DYNC2H1: variants seen among roughly 807,000 people sequenced by gnomAD.
The protein encoded by DYNC2H1 is dynein cytoplasmic 2 heavy chain 1.
A neutral mutation model predicts 570.0 loss-of-function variants in DYNC2H1; 410 were observed. That is an observed-to-expected ratio of 0.72 (90% CI 0.66 to 0.78). DYNC2H1 has a LOEUF of 0.78. DYNC2H1 is among the 30% of genes least tolerant of loss of function. The pLI is 0.00. For missense variants in DYNC2H1, 4,865 were observed against 5,046.4 expected (o/e 0.96, Z 1.09); for synonymous variants, 1,688 against 1,677.6 (o/e 1.01, Z -0.15).
At chr11:103,359,706 C>T (rs1366213389) in intron 83 of DYNC2H1, among the ~76,000 whole-genome samples, 2 of 146,530 alleles carry the variant, frequency 1.4e-5, no homozygotes, top group African/African-American at 5.0e-5. Flanking sequence ...ACTCTGTCAC[C>T]AAGGTTGGAA....
chr11:103,120,071 T>C (rs1033330334), intron 6 of DYNC2H1, among the ~76,000 whole-genome samples: 3 of 152,204 alleles, frequency 2.0e-5, no homozygotes, highest in African/African-American at 7.2e-5. Context: ...TAATGCAGAA[T>C]AATGAAAATC....
chr11:103,113,228 C>G (rs1565307712), intron 1 of DYNC2H1, among the ~76,000 whole-genome samples: 3 of 152,036 alleles, frequency 2.0e-5, no homozygotes, highest in East Asian at 1.9e-4. Context: ...AGAATGGACT[C>G]TGGCTGGAAT....
Position 103,369,764 on chromosome 11 carries a change from C to T in DYNC2H1, c.12156+11405C>T, listed in dbSNP as rs1484196449. ...GGAAGTACCCAATCCTGGCAAGATTCATCACCTGCTAACTGAAGATCCCTT... is the reference window on the plus strand; with the variant it reads ...GGAAGTACCCAATCCTGGCAAGATTTATCACCTGCTAACTGAAGATCCCTT... On this transcript the variant is annotated intron_variant, in intron 83 of 88. Transcript: ENST00000375735. This position sits in a 1 kb window ranked among gnomAD's most constrained non-coding sequence, Gnocchi z 4.0. 6.6e-6 allele frequency among the ~76,000 whole-genome samples: 1 copy of T among 152,152 alleles called. No individual in the cohort carries two copies. Among genetic ancestry groups the T allele is most frequent in the East Asian group, 1.9e-4 (1 of 5,192 alleles).
At chr11:103,253,833 C>T (rs1864935201) in intron 66 of DYNC2H1, among the ~76,000 whole-genome samples, 1 of 152,042 alleles carries the variant, frequency 6.6e-6, no homozygotes, top group Non-Finnish European at 1.5e-5. Flanking sequence ...GTCTTTGATT[C>T]CTGAGCCAGC....
intron 47 of DYNC2H1, among the ~76,000 whole-genome samples, chr11:103,194,955 T>C (rs959095196): frequency 6.6e-6 from 1 of 152,150 alleles, no homozygotes; most frequent in African/African-American, 2.4e-5. Context: ...TGACCTGAAA[T>C]GATCCACCTG....
chr11:103,256,175 G>A lies in DYNC2H1; in HGVS notation c.10396G>A (p.Ala3466Thr). Residue 3466 changes from alanine (A) to threonine (T), a missense_variant, in exon 68 of 89, where the codon GCA becomes ACA. Transcript: ENST00000375735. This position sits in a 1 kb window ranked among gnomAD's most constrained non-coding sequence, Gnocchi z 4.0. ...GATTGAGTCTTTGAATCAGACAAAA[G>A]CAAGCAGTGCACTTATTCAAGAGTC... is the stretch of plus-strand genomic sequence containing the variant. ...DLIESLNQTK[A>T]SSALIQESLK... is the part of the protein sequence containing the mutation. 1.2e-6 allele frequency: 2 copies of A among 1,608,924 alleles called. No homozygotes were observed. Among genetic ancestry groups the A allele is most frequent in the Non-Finnish European group, 1.7e-6 (2 of 1,177,246 alleles).
chr11:103,394,381 G>T (rs114573300), intron 83 of DYNC2H1, among the ~76,000 whole-genome samples: 1 of 151,994 alleles, frequency 6.6e-6, no homozygotes, highest in African/African-American at 2.4e-5. Context: ...AACTACTTAC[G>T]TAATGCTTAC....
At chr11:103,285,967 C>T (rs1203725128) in intron 73 of DYNC2H1, among the ~76,000 whole-genome samples, 1 of 152,124 alleles carries the variant, frequency 6.6e-6, no homozygotes, top group Non-Finnish European at 1.5e-5. Flanking sequence ...CACTTGTTTC[C>T]TTCACAAGGT....
intron 87 of DYNC2H1, among the ~76,000 whole-genome samples, chr11:103,462,906 G>A (rs1945067671): frequency 6.6e-6 from 1 of 152,066 alleles, no homozygotes; most frequent in South Asian, 2.1e-4. Flanking sequence ...GTGAAGTGTA[G>A]CGTCATACAC....
intron 83 of DYNC2H1, among the ~76,000 whole-genome samples, chr11:103,372,005 A>T (rs2135556565): frequency 8.8e-6 from 1 of 114,140 alleles, no homozygotes; most frequent in South Asian, 3.3e-4. Flanking sequence ...GAATAAAAGT[A>T]GTGAAAGTGG....
chr11:103,311,237 GT>G (rs1867574549), intron 78 of DYNC2H1, among the ~76,000 whole-genome samples: 1 of 152,052 alleles, frequency 6.6e-6, no homozygotes, highest in Non-Finnish European at 1.5e-5. Context: ...CGAGGGGGTT[GT>G]TTTGCTATTT....
Position 103,275,703 on chromosome 11 carries a change from C to T in DYNC2H1, c.10696-4645C>T, listed in dbSNP as rs544032252. ...TTTTTCATGGTGTAATATCTCATTT[C>T]TTTTTAATGTTGATTAAAATTCCTT... On this transcript the variant is annotated intron_variant, in intron 70 of 88. Transcript: ENST00000375735. This position sits in a 1 kb window ranked among gnomAD's most constrained non-coding sequence, Gnocchi z 4.8. Among the ~76,000 whole-genome samples the T allele has an allele frequency of 6.6e-6, 1 of 151,980 alleles. No individual in the cohort carries two copies. Among genetic ancestry groups the T allele is most frequent in the East Asian group, 1.9e-4 (1 of 5,166 alleles).
chr11:103,187,197 C>T (rs1862105091), intron 42 of DYNC2H1, 143 bp from the exon 43 acceptor site: 2 of 1,143,772 alleles, frequency 1.7e-6, no homozygotes, highest in Non-Finnish European at 2.4e-6. Context: ...TTATGGAAGC[C>T]ATATCTGTAT....
intron 85 of DYNC2H1, among the ~76,000 whole-genome samples, chr11:103,440,856 G>A (rs1591760859): frequency 6.6e-6 from 1 of 152,006 alleles, no homozygotes; most frequent in Non-Finnish European, 1.5e-5. Context: ...ATACATTGAG[G>A]TACCTTTTAC....
At chr11:103,471,273 T>C (rs1051341576) in intron 88 of DYNC2H1, among the ~76,000 whole-genome samples, 1 of 152,190 alleles carries the variant, frequency 6.6e-6, no homozygotes, top group African/African-American at 2.4e-5. Context: ...CCCTTCTTTC[T>C]TTACAGTGAG....
chr11:103,312,089 A>G, intron 79 of DYNC2H1, 56 bp downstream of exon 79: 2 of 1,550,958 alleles, frequency 1.3e-6, no homozygotes, highest in South Asian at 1.2e-5. Flanking sequence ...GTATGTTAAA[A>G]TATTTTTGTG....
chr11:103,390,383 A>G lies in DYNC2H1; in HGVS notation c.12157-9280A>G, dbSNP rs538231215. Reference sequence around the variant, plus strand: ...TCCTCCATCCCTTTATTTTGAGTCTATATGTGTCTCTGCACATGAGATGGG... The same window carrying G: ...TCCTCCATCCCTTTATTTTGAGTCTGTATGTGTCTCTGCACATGAGATGGG... On this transcript the variant is annotated intron_variant, in intron 83 of 88. Coordinates refer to ENST00000375735, the MANE Select transcript of DYNC2H1 (RefSeq NM_001377.3). Among the ~76,000 whole-genome samples the G allele has an allele frequency of 3.4e-4, 51 of 150,494 alleles. No homozygotes were observed. The East Asian group carries it at 6.2e-3, about 18-fold the overall frequency.
intron 85 of DYNC2H1, among the ~76,000 whole-genome samples, chr11:103,438,074 T>C (rs1487282860): frequency 6.6e-6 from 1 of 152,074 alleles, no homozygotes; most frequent in Admixed American, 6.6e-5. Flanking sequence ...AGTGATAAAA[T>C]ACCCTCCTAA....
In DYNC2H1 at chr11:103,209,139, G is replaced by T. The variant is rs768214742; in HGVS notation, c.8455-737G>T. ...TTTCAGTCTGAGAAATTTAAAAAATGATTTTTTGACCTAATTACCAAGATC... is the reference window on the plus strand; with the variant it reads ...TTTCAGTCTGAGAAATTTAAAAAATTATTTTTTGACCTAATTACCAAGATC... On this transcript the variant is annotated intron_variant, in intron 52 of 88. Coordinates refer to ENST00000375735, the MANE Select transcript of DYNC2H1 (RefSeq NM_001377.3). The surrounding 1 kb of genome is among the most constrained non-coding windows in gnomAD (Gnocchi z 4.2). Among the ~76,000 whole-genome samples the T allele has an allele frequency of 7.6e-5, 11 of 144,096 alleles. No homozygotes were observed. Among genetic ancestry groups the T allele is most frequent in the African/African-American group, 1.1e-4 (4 of 36,204 alleles). The allele number at this position is 144,096 out of a possible 152,430, so 94.5% of individuals were successfully genotyped here.
Sources: gnomAD v4.1 joint callset for allele counts (sites outside exome capture counted in the v4.1 genomes callset) on GRCh38, gnomAD v4.1.1 for gene constraint, Gnocchi (gnomAD v3.1) non-coding constraint, MANE v1.5 for transcripts, NCBI Gene and HGNC (gene_info 2026-07-23, HGNC 2026-07-21) for gene names.